The following SEC62 variants were observed in gnomAD, a reference collection of about 807,000 sequenced individuals.
The protein encoded by SEC62 is SEC62 preprotein translocation factor.
Under a neutral mutation model 47.5 loss-of-function variants are expected in SEC62, and 10 were observed. That is an observed-to-expected ratio of 0.21 (90% confidence interval 0.13 to 0.36). SEC62 has a LOEUF of 0.36. SEC62 is among the 10% of genes least tolerant of loss of function. The pLI is 1.00. For missense variants in SEC62, 327 were observed against 464.1 expected, an observed-to-expected ratio of 0.70 and a Z score of 2.71; for synonymous variants, 136 against 150.5, an observed-to-expected ratio of 0.90 and a Z score of 0.71.
intron 1 of SEC62, among the ~76,000 whole-genome samples, chr3:169,974,360 A>G (rs1186045922): frequency 2.0e-5 from 3 of 152,268 alleles, no homozygotes; most frequent in South Asian, 2.1e-4. Flanking sequence ...GCTTACAGCA[A>G]TAAGACAGCT....
Position 169,983,184 on chromosome 3 carries a change from AAAG to A in SEC62, c.484_486del (p.Lys162del). 6.2e-7 allele frequency: 1 copy of A among 1,611,958 alleles called. No individual in the cohort carries two copies. The highest frequency in any genetic ancestry group is 8.5e-7 in the Non-Finnish European group (1 of 1,178,850). On this transcript the variant is annotated inframe_deletion, in exon 5 of 8. Transcript: ENST00000337002. Reference sequence around the variant, plus strand: ...AGGAGGAAACTCCAGGAACTCCTAAAAAGAAGGAAACTAAGAAAAAATTCAAAC... The same window carrying A: ...AGGAGGAAACTCCAGGAACTCCTAAAAAGGAAACTAAGAAAAAATTCAAAC...
intron 2 of SEC62, among the ~76,000 whole-genome samples, chr3:169,975,933 A>G (rs1343904166): frequency 6.6e-6 from 1 of 152,216 alleles, no homozygotes; most frequent in Non-Finnish European, 1.5e-5. Context: ...AATTTTTTTA[A>G]ATAGGATTTA....
chr3:169,982,283 A>G (rs1714992940), intron 3 of SEC62, among the ~76,000 whole-genome samples: 1 of 152,178 alleles, frequency 6.6e-6, no homozygotes, highest in Non-Finnish European at 1.5e-5. Context: ...ATTTGGACCC[A>G]TCAAATCATC....
chr3:169,986,589 AT>A (rs1175492765), intron 6 of SEC62, among the ~76,000 whole-genome samples: 1 of 152,206 alleles, frequency 6.6e-6, no homozygotes, highest in African/African-American at 2.4e-5. Flanking sequence ...GTATAAGCTC[AT>A]TTACTTATTT....
chr3:169,988,117 C>G (rs979097705), intron 6 of SEC62, 123 bp from the exon 7 acceptor site: 1 of 1,076,638 alleles, frequency 9.3e-7, no homozygotes, highest in Middle Eastern at 3.0e-4. Context: ...ATAAAAATGG[C>G]AATTTTATAT....
chr3:169,972,350 C>G (rs1714718066), intron 1 of SEC62, among the ~76,000 whole-genome samples: 1 of 152,154 alleles, frequency 6.6e-6, no homozygotes, highest in Non-Finnish European at 1.5e-5. Context: ...GCTTTTCAGT[C>G]AGTTTACCCA....
Position 169,975,160 on chromosome 3 carries a change from A to C in SEC62, c.37-448A>C, listed in dbSNP as rs187395800. 1.0e-3 allele frequency among the ~76,000 whole-genome samples: 156 copies of C among 152,182 alleles called. 1 individual carries two copies. Among genetic ancestry groups the C allele is most frequent in the African/African-American group, 3.7e-3 (154 of 41,502 alleles). On this transcript the variant is annotated intron_variant, in intron 1 of 7. Coordinates refer to ENST00000337002, the MANE Select transcript of SEC62 (RefSeq NM_003262.4). Reference sequence around the variant, plus strand: ...GCTGGGCATGGTGGCAGGCACCTGTAATACCAGCTACTTGGGAGGCTGAGG... The same window carrying C: ...GCTGGGCATGGTGGCAGGCACCTGTCATACCAGCTACTTGGGAGGCTGAGG...
At chr3:169,987,442 CTTT>C (rs1326433229) in intron 6 of SEC62, among the ~76,000 whole-genome samples, 10 of 152,096 alleles carry the variant, frequency 6.6e-5, no homozygotes, top group Non-Finnish European at 1.5e-5. Context: ...CAAAATAACT[CTTT>C]TATAATAAGA....
At position 169,992,891 on chromosome 3, in the gene SEC62, C is replaced by T. The variant is rs1715280719; in HGVS notation, c.1028C>T (p.Thr343Met). 7 of 1,613,602 alleles carry T rather than the reference C, an allele frequency of 4.3e-6. No individual in the cohort carries two copies. The highest frequency in any genetic ancestry group is 5.9e-6 in the Non-Finnish European group (7 of 1,179,962). ...EGSGGERHSDTDSDRREDDRS... is the reference protein window; with the variant it reads ...EGSGGERHSDMDSDRREDDRS... The stretch of plus-strand genomic sequence containing the variant: ...TCGGGGGGAGAACGGCATTCAGACA[C>T]GGACAGTGACAGGAGGGAAGATGAT... Residue 343 changes from threonine (T) to methionine (M), a missense_variant, in exon 8 of 8, where the codon ACG becomes ATG. Thr to Met is a moderately conservative substitution (Grantham distance 81). Around this residue, in one of 3 missense-constraint regions of SEC62, gnomAD observed 102 missense variants for 108.8 expected, o/e 0.94. Coordinates refer to ENST00000337002, the MANE Select transcript of SEC62 (RefSeq NM_003262.4). This position sits in a 1 kb window ranked among gnomAD's most constrained non-coding sequence, Gnocchi z 4.0.
intron 6 of SEC62, 85 bp from the exon 7 acceptor site, chr3:169,988,155 T>TC (rs1464469540): frequency 5.4e-6 from 8 of 1,472,324 alleles, no homozygotes; most frequent in Non-Finnish European, 6.6e-6. Flanking sequence ...TCTCAGTTTT[T>TC]CCCCCAGGGA....
chr3:169,975,313 G>T, intron 1 of SEC62: 3 of 198,200 alleles, frequency 1.5e-5, no homozygotes, highest in Non-Finnish European at 2.1e-5. Flanking sequence ...GTATAAGAAT[G>T]AAAGTGAACT....
intron 1 of SEC62, among the ~76,000 whole-genome samples, chr3:169,972,225 A>G (rs1418882691): frequency 6.6e-6 from 1 of 152,134 alleles, no homozygotes; most frequent in Admixed American, 6.5e-5. Flanking sequence ...TAAAGTAGAA[A>G]TTTCCTTGCC....
rs1714859853 is a variant in SEC62, at chr3:169,977,325, A to G, written c.251+274A>G. Among the ~76,000 whole-genome samples, 4 of 152,344 alleles carry G rather than the reference A, an allele frequency of 2.6e-5. No homozygotes were observed. The South Asian group carries it at 8.3e-4, about 32-fold the overall frequency. On this transcript the variant is annotated intron_variant, in intron 3 of 7. Transcript: ENST00000337002. Reference sequence around the variant, plus strand: ...AAAGTCATATACCAGTGCCTACAGTAGAAAAGAAAGTTTTTTCTTTTGTAG... The same window carrying G: ...AAAGTCATATACCAGTGCCTACAGTGGAAAAGAAAGTTTTTTCTTTTGTAG...
Position 169,983,273 on chromosome 3 carries a change from T to C in SEC62, c.549+20T>C, listed in dbSNP as rs775068129. On this transcript the variant is annotated intron_variant, in intron 5 of 7. Coordinates refer to ENST00000337002, the MANE Select transcript of SEC62 (RefSeq NM_003262.4). The stretch of plus-strand genomic sequence containing the variant: ...AATGAGGTGAGAGTAAGCCTATAAC[T>C]AGAAGTTCAGTTTTCTATAGGAGTT... 1.9e-6 allele frequency: 3 copies of C among 1,544,468 alleles called. No homozygotes were observed. Among genetic ancestry groups the C allele is most frequent in the Non-Finnish European group, 2.6e-6 (3 of 1,135,908 alleles).
In SEC62 at chr3:169,982,751, A is replaced by G. The variant is rs1360866978; in HGVS notation, c.296A>G (p.Lys99Arg). Residue 99 changes from lysine (K) to arginine (R), a missense_variant, in exon 4 of 8, where the codon AAA becomes AGA. Lys to Arg is a conservative substitution (Grantham distance 26, BLOSUM62 2). Transcript: ENST00000337002. The stretch of plus-strand genomic sequence containing the variant: ...TTTCACCGAGCCCTAAAAGTAATGA[A>G]AATGAAATATGATAAAGACATAAAG... ...QFFHRALKVM[K>R]MKYDKDIKKE... 3.7e-6 allele frequency: 6 copies of G among 1,608,822 alleles called. No homozygotes were observed. The highest frequency in any genetic ancestry group is 5.1e-6 in the Non-Finnish European group (6 of 1,176,710).
intron 7 of SEC62, among the ~76,000 whole-genome samples, chr3:169,990,138 G>A (rs922512000): frequency 1.3e-5 from 2 of 150,866 alleles, no homozygotes; most frequent in Non-Finnish European, 2.9e-5. Context: ...GTCTTGCTCT[G>A]TTGCCCAGGG....
rs1715380119 is a variant in SEC62 at position 169,996,532 on chromosome 3, C to T, written c.*3469C>T. On this transcript the variant is annotated 3_prime_UTR_variant, in exon 8 of 8. Coordinates refer to ENST00000337002, the MANE Select transcript of SEC62 (RefSeq NM_003262.4). ...GGATATCTCTTGTTTTCCCCTCCAG[C>T]TCCACTCTGCTCTTGCCCACAAAGC... 1 of 152,594 alleles carries T rather than the reference C, an allele frequency of 6.6e-6. No individual in the cohort carries two copies. Among genetic ancestry groups the T allele is most frequent in the African/African-American group, 2.4e-5 (1 of 41,466 alleles). The allele number at this position is 152,594 out of a possible 1,614,324, so 9.5% of individuals were successfully genotyped here.
chr3:169,967,222 C>T (rs1559962699), intron 1 of SEC62, among the ~76,000 whole-genome samples: 1 of 152,176 alleles, frequency 6.6e-6, no homozygotes, highest in African/African-American at 2.4e-5. Context: ...CTTCCCGGGG[C>T]TCCTCCCCTC....
intron 7 of SEC62, among the ~76,000 whole-genome samples, chr3:169,989,362 G>A (rs112052057): frequency 0.027 from 145 of 5,274 alleles, 1 homozygote; most frequent in African/African-American, 0.08. Flanking sequence ...GATTACAGGC[G>A]TGAACCACCA....
Sources: allele counts gnomAD v4.1 joint callset (sites outside exome capture counted in the v4.1 genomes callset), GRCh38; gene constraint gnomAD v4.1.1; regional missense constraint gnomAD v4.1.1; non-coding constraint Gnocchi (gnomAD v3.1); transcripts MANE v1.5; gene names NCBI Gene and HGNC (gene_info 2026-07-23, HGNC 2026-07-21).